SPAG1: variants seen among roughly 807,000 people sequenced by gnomAD.
SPAG1 encodes sperm-associated antigen 1.
A neutral mutation model predicts 100.5 loss-of-function variants in SPAG1; 69 were observed. The ratio of observed to expected loss-of-function variants is 0.69; its 90% CI spans 0.57 to 0.84. SPAG1 has a LOEUF of 0.84. SPAG1 is among the 40% of genes least tolerant of loss of function. SPAG1 has a pLI of 0.00. For missense variants in SPAG1, 955 were observed against 1,133.1 expected, an observed-to-expected ratio of 0.84 and a Z score of 2.26; for synonymous variants, 336 against 411.6, an observed-to-expected ratio of 0.82 and a Z score of 2.22.
chr8:100,232,538 C>T (rs945460398), intron 15 of SPAG1, among the ~76,000 whole-genome samples: 1 of 152,126 alleles, frequency 6.6e-6, no homozygotes, highest in Non-Finnish European at 1.5e-5. Context: ...CTCAGATGCT[C>T]CTACCTTCTA....
chr8:100,193,651 T>C (rs924497986), intron 9 of SPAG1, among the ~76,000 whole-genome samples: 4 of 152,176 alleles, frequency 2.6e-5, no homozygotes, highest in Non-Finnish European at 4.4e-5. Flanking sequence ...GTGTGGTAGC[T>C]CACGCCTGTA....
chr8:100,224,627 C>T (rs1818426572), intron 13 of SPAG1, among the ~76,000 whole-genome samples: 1 of 152,136 alleles, frequency 6.6e-6, no homozygotes, highest in African/African-American at 2.4e-5. Flanking sequence ...GTATCTTAAA[C>T]ACATGTAAGT....
At chr8:100,186,308 C>G (rs1236720218) in intron 7 of SPAG1, among the ~76,000 whole-genome samples, 1 of 152,000 alleles carries the variant, frequency 6.6e-6, no homozygotes, top group Non-Finnish European at 1.5e-5. Flanking sequence ...TGGCCTCAAG[C>G]CATGCTGTCA....
intron 10 of SPAG1, among the ~76,000 whole-genome samples, chr8:100,208,508 G>T (rs1053733115): frequency 2.0e-5 from 3 of 152,248 alleles, no homozygotes; most frequent in Admixed American, 2.0e-4. Context: ...ACCTGCCGAG[G>T]TGCTTGCTGA....
chr8:100,191,463 A>G lies in SPAG1; in HGVS notation c.906A>G (p.Val302=). 6.2e-7 allele frequency: 1 copy of G among 1,613,722 alleles called. No individual in the cohort carries two copies. Among genetic ancestry groups the G allele is most frequent in the Non-Finnish European group, 8.5e-7 (1 of 1,179,628 alleles). The change falls in exon 9 of 19, where the codon GTA becomes GTG. Residue 302 remains valine (V), a synonymous_variant. Transcript: ENST00000388798. ...AAGCTACAGAAGATTTGAGTAAAGT[A>G]CTAGATGTTGAGCCTGATAATGATT... The part of the protein sequence containing the change: ...LREATEDLSK[V]LDVEPDNDLA...
At position 100,165,255 on chromosome 8, in the gene SPAG1, G is replaced by A. The variant is rs192753623; in HGVS notation, c.141-559G>A. The A allele has an allele frequency of 1.6e-4, 81 of 521,274 alleles. No individual in the cohort carries two copies. In the East Asian group the frequency reaches 4.3e-3, roughly 28 times the overall value. 32.3% of individuals were successfully genotyped at this position (521,274 alleles called of 1,614,324 possible). On this transcript the variant is annotated intron_variant, in intron 2 of 18. Coordinates refer to ENST00000388798, the MANE Select transcript of SPAG1 (RefSeq NM_003114.5). ...TCCATCACGACTCTAGGAATAATTCGCAGTTCTGAACCATGTTTTAGAAAA... is the reference window on the plus strand; with the variant it reads ...TCCATCACGACTCTAGGAATAATTCACAGTTCTGAACCATGTTTTAGAAAA...
intron 14 of SPAG1, 142 bp downstream of exon 14, chr8:100,225,481 T>C: frequency 1.3e-6 from 1 of 754,620 alleles, no homozygotes; most frequent in South Asian, 1.9e-5. Flanking sequence ...TATTTTATTA[T>C]TATTTTGAGA....
At position 100,225,291 on chromosome 8, in the gene SPAG1, TCAAAA is replaced by T. The variant is rs1380449706; in HGVS notation, c.1811_1815del (p.Lys604SerfsTer15). ...TTGGCATCCGGCAAAAGAGATGATC[TCAAAA>T]CAAGCAGGAGACTCCAGCAGCCATC... On this transcript the variant is annotated frameshift_variant, in exon 14 of 19. Coordinates refer to ENST00000388798, the MANE Select transcript of SPAG1 (RefSeq NM_003114.5). LOFTEE classifies it high-confidence loss of function. The T allele has an allele frequency of 6.2e-7, 1 of 1,613,716 alleles. No homozygotes were observed. Among genetic ancestry groups the T allele is most frequent in the Non-Finnish European group, 8.5e-7 (1 of 1,179,996 alleles).
At position 100,233,397 on chromosome 8, in the gene SPAG1, T is replaced by A; in HGVS notation, c.1989-14T>A. Reference sequence around the variant, plus strand: ...TTACCTTTCATAATACTGAGTTCCATTGCATTATGCCAGAGCTCTCTGTTA... The same window carrying A: ...TTACCTTTCATAATACTGAGTTCCAATGCATTATGCCAGAGCTCTCTGTTA... On this transcript the variant is annotated splice_polypyrimidine_tract_variant and intron_variant, in intron 15 of 18. Coordinates refer to ENST00000388798, the MANE Select transcript of SPAG1 (RefSeq NM_003114.5). 1 of 1,613,282 alleles carries A rather than the reference T, an allele frequency of 6.2e-7. No homozygotes were observed. Among genetic ancestry groups the A allele is most frequent in the Non-Finnish European group, 8.5e-7 (1 of 1,179,628 alleles).
intron 10 of SPAG1, among the ~76,000 whole-genome samples, chr8:100,204,802 T>A (rs1429486685): frequency 6.6e-6 from 1 of 152,170 alleles, no homozygotes. Context: ...CTTCTCTGTA[T>A]GTCAGACCTA....
intron 8 of SPAG1, among the ~76,000 whole-genome samples, chr8:100,189,602 C>G (rs866319214): frequency 6.6e-6 from 1 of 152,140 alleles, no homozygotes; most frequent in Non-Finnish European, 1.5e-5. Context: ...TTGTACTGAG[C>G]TGAGATCACG....
At position 100,185,026 on chromosome 8, in the gene SPAG1, T is replaced by C. The variant is rs114622825; in HGVS notation, c.701+293T>C. The C allele has an allele frequency of 1.7e-3, 474 of 271,200 alleles. 6 individuals carry two copies. The highest frequency in any genetic ancestry group is 0.01 in the African/African-American group (449 of 43,094). 16.8% of individuals were successfully genotyped at this position (271,200 alleles called of 1,614,324 possible). A position where few individuals can be genotyped will look rare whatever the true frequency, so the allele number is the denominator to read the frequency against. On this transcript the variant is annotated intron_variant, in intron 7 of 18. Coordinates refer to ENST00000388798, the MANE Select transcript of SPAG1 (RefSeq NM_003114.5). ...AAGGCCCATATGATATAGAAGTGAA[T>C]AACTTGGGTTCCATTGTAGACTGCC... is the stretch of plus-strand genomic sequence containing the variant.
chr8:100,170,235 C>A (rs1302961479), intron 3 of SPAG1, among the ~76,000 whole-genome samples: 1 of 152,102 alleles, frequency 6.6e-6, no homozygotes, highest in Non-Finnish European at 1.5e-5. Flanking sequence ...TTATAGTTTT[C>A]AGTATGTAGT....
intron 12 of SPAG1, among the ~76,000 whole-genome samples, chr8:100,217,328 T>C (rs529900711): frequency 1.3e-5 from 2 of 152,174 alleles, no homozygotes; most frequent in South Asian, 2.1e-4. Context: ...AGGAGAAAAT[T>C]TTACCTATGA....
intron 1 of SPAG1, among the ~76,000 whole-genome samples, chr8:100,161,439 G>A (rs576276432): frequency 2.0e-5 from 3 of 152,232 alleles, no homozygotes; most frequent in African/African-American, 4.8e-5. Flanking sequence ...CAATGATTTC[G>A]GTACTGACTG....
At chr8:100,206,520 TG>T (rs1286365045) in intron 10 of SPAG1, among the ~76,000 whole-genome samples, 1 of 152,216 alleles carries the variant, frequency 6.6e-6, no homozygotes, top group Non-Finnish European at 1.5e-5. Context: ...CTGGACTTAT[TG>T]GTGAGACATT....
intron 10 of SPAG1, among the ~76,000 whole-genome samples, chr8:100,211,329 A>G (rs1817708485): frequency 6.6e-6 from 1 of 152,136 alleles, no homozygotes; most frequent in African/African-American, 2.4e-5. Flanking sequence ...AGCCATTTCA[A>G]TCTTAAGGTA....
In SPAG1 at chr8:100,239,349, A is replaced by G. The variant is rs765479943; in HGVS notation, c.2225A>G (p.Asp742Gly). Residue 742 changes from aspartate (D) to glycine (G), a missense_variant, in exon 17 of 19, where the codon GAT becomes GGT. Transcript: ENST00000388798. This position sits in a 1 kb window ranked among gnomAD's most constrained non-coding sequence, Gnocchi z 5.0. ...EEVTRLLNLKDKTAPFNKEKE... is the reference protein window; with the variant it reads ...EEVTRLLNLKGKTAPFNKEKE... ...GTAACTAGACTCCTTAATCTTAAGG[A>G]TAAGACAGCACCATTCAACAAAGAA... 1 of 1,602,226 alleles carries G rather than the reference A, an allele frequency of 6.2e-7. No individual in the cohort carries two copies. Among genetic ancestry groups the G allele is most frequent in the South Asian group, 1.1e-5 (1 of 89,972 alleles).
rs551436762 is a variant in SPAG1, at chr8:100,190,636, T to A, written c.833-754T>A. 6.6e-5 allele frequency among the ~76,000 whole-genome samples: 10 copies of A among 151,546 alleles called. No individual in the cohort carries two copies. In the South Asian group the frequency reaches 1.5e-3, roughly 22 times the overall value. ...CTAATGAGCCACATTCTGAGCTAGA[T>A]GCTGGTCAGTAATATACTTTTTTTT... is the stretch of plus-strand genomic sequence containing the variant. On this transcript the variant is annotated intron_variant, in intron 8 of 18. Transcript: ENST00000388798.
Sources: allele counts gnomAD v4.1 joint callset (sites outside exome capture counted in the v4.1 genomes callset), GRCh38; gene constraint gnomAD v4.1.1; non-coding constraint Gnocchi (gnomAD v3.1); transcripts MANE v1.5; gene names NCBI Gene and HGNC (gene_info 2026-07-23, HGNC 2026-07-21).